The following SNTG1 variants were observed in gnomAD, a reference collection of about 807,000 sequenced individuals.
SNTG1 encodes the protein syntrophin gamma 1.
In SNTG1, 39 loss-of-function variants were observed where a neutral mutation model predicts 74.7. That is an observed-to-expected ratio of 0.52 (90% CI 0.40 to 0.68). The LOEUF (loss-of-function observed/expected upper bound fraction) is 0.68. Ranked by LOEUF, SNTG1 falls within the 30% of genes least tolerant of loss-of-function variation. The pLI, the probability that SNTG1 is intolerant of heterozygous loss-of-function variation, is 0.00. For synonymous variants in SNTG1, 254 were observed against 217.1 expected (o/e 1.17, Z -1.49); for missense variants, 685 against 609.5 (o/e 1.12, Z -1.30).
At chr8:49,921,889 C>T (rs1179512136) in intron 1 of SNTG1, among the ~76,000 whole-genome samples, 1 of 152,130 alleles carries the variant, frequency 6.6e-6, no homozygotes, top group Non-Finnish European at 1.5e-5. Flanking sequence ...TGACTGAGTT[C>T]TCCACTTGGA....
intron 2 of SNTG1, among the ~76,000 whole-genome samples, chr8:50,205,221 T>C (rs1315586553): frequency 6.6e-6 from 1 of 152,166 alleles, no homozygotes; most frequent in East Asian, 1.9e-4. Context: ...CCACATCCTC[T>C]CCAGCACCTG....
At chr8:50,041,391 T>G (rs548281341) in intron 1 of SNTG1, among the ~76,000 whole-genome samples, 1 of 152,230 alleles carries the variant, frequency 6.6e-6, no homozygotes, top group Admixed American at 6.5e-5. Context: ...ATAAATTAAC[T>G]AAAATAACAC....
At chr8:50,016,245 C>T (rs1563476271) in intron 1 of SNTG1, among the ~76,000 whole-genome samples, 1 of 152,084 alleles carries the variant, frequency 6.6e-6, no homozygotes. Flanking sequence ...CACTTTTCAT[C>T]ACATGTCACA....
chr8:50,686,979 C>CA (rs949245930), intron 15 of SNTG1, among the ~76,000 whole-genome samples: 14 of 150,236 alleles, frequency 9.3e-5, no homozygotes, highest in Non-Finnish European at 5.9e-5. Flanking sequence ...ACTAAAAATA[C>CA]AAAAAATTAG....
intron 13 of SNTG1, among the ~76,000 whole-genome samples, chr8:50,618,891 A>ATGTGTGTGTGTGTG (rs34924863): frequency 4.7e-5 from 7 of 148,344 alleles, no homozygotes; most frequent in African/African-American, 1.7e-4. Context: ...ATATGTGTAT[A>ATGTGTGTGTGTGTG]TGTGTGTGTG....
intron 18 of SNTG1, among the ~76,000 whole-genome samples, chr8:50,786,989 G>T (rs1040648630): frequency 1.1e-4 from 17 of 151,806 alleles, no homozygotes; most frequent in African/African-American, 3.9e-4. Context: ...TAGACAAATT[G>T]GACTTTTTCA....
chr8:50,449,777 T>G, intron 6 of SNTG1, 52 bp downstream of exon 6: 1 of 1,433,830 alleles, frequency 7.0e-7, no homozygotes, highest in Non-Finnish European at 9.4e-7. Context: ...GCATTGTTTT[T>G]GAAGTGTGAG....
At chr8:50,329,226 C>G (rs921105288) in intron 2 of SNTG1, among the ~76,000 whole-genome samples, 5 of 152,176 alleles carry the variant, frequency 3.3e-5, no homozygotes, top group African/African-American at 9.7e-5. Context: ...TCCAGGTACA[C>G]AGTGCAAGCT....
At chr8:49,947,297 T>C (rs756886029) in intron 1 of SNTG1, among the ~76,000 whole-genome samples, 13 of 151,700 alleles carry the variant, frequency 8.6e-5, no homozygotes, top group Admixed American at 1.3e-4. Context: ...CAAAACTCCG[T>C]CTCAAAAAAA....
intron 12 of SNTG1, among the ~76,000 whole-genome samples, chr8:50,565,314 G>T (rs1279211392): frequency 6.6e-6 from 1 of 152,026 alleles, no homozygotes; most frequent in East Asian, 1.9e-4. Context: ...AATCTGAAAA[G>T]AGTATGGACT....
At chr8:50,278,584 T>C (rs2088248940) in intron 2 of SNTG1, among the ~76,000 whole-genome samples, 1 of 152,182 alleles carries the variant, frequency 6.6e-6, no homozygotes, top group African/African-American at 2.4e-5. Flanking sequence ...ATTTATCAAA[T>C]TTAGTGACCC....
intron 11 of SNTG1, among the ~76,000 whole-genome samples, chr8:50,547,927 G>T (rs186977684): frequency 5.1e-4 from 77 of 152,276 alleles, no homozygotes; most frequent in Middle Eastern, 3.4e-3. Flanking sequence ...AAAGGACAGA[G>T]AAATTATGGA....
Position 50,364,894 on chromosome 8 carries a change from A to C in SNTG1, c.-27-29318A>C, listed in dbSNP as rs530978739. 4.1e-3 allele frequency among the ~76,000 whole-genome samples: 630 copies of C among 152,170 alleles called. 1 individual carries two copies. Among genetic ancestry groups the C allele is most frequent in the Middle Eastern group, 0.032 (9 of 284 alleles). ...TGTGTTTTGGAAAAAGCTGAGTTTA[A>C]AATAATATAATTTTATTTTTTCAAA... On this transcript the variant is annotated intron_variant, in intron 2 of 18. Coordinates refer to ENST00000642720, the MANE Select transcript of SNTG1 (RefSeq NM_018967.5).
intron 8 of SNTG1, among the ~76,000 whole-genome samples, chr8:50,485,952 C>G (rs1315711939): frequency 1.3e-3 from 194 of 150,942 alleles, no homozygotes; most frequent in East Asian, 1.4e-3. Context: ...GCTTGTTTTT[C>G]TCAGGTTTGT....
At chr8:50,086,424 C>T (rs187307809) in intron 1 of SNTG1, among the ~76,000 whole-genome samples, 3 of 152,090 alleles carry the variant, frequency 2.0e-5, no homozygotes, top group Admixed American at 2.0e-4. Context: ...GGCACAAGGC[C>T]ACAGAAGGGA....
At position 50,795,811 on chromosome 8, in the gene SNTG1, T is replaced by C. The variant is rs1802785000; in HGVS notation, c.*2982T>C. 6.6e-6 allele frequency: 1 copy of C among 152,096 alleles called. No individual in the cohort carries two copies. Among genetic ancestry groups the C allele is most frequent in the African/African-American group, 2.4e-5 (1 of 41,452 alleles). 9.4% of individuals were successfully genotyped at this position (152,096 alleles called of 1,614,324 possible). A position where few individuals can be genotyped will look rare whatever the true frequency, so the allele number is the denominator to read the frequency against. The stretch of plus-strand genomic sequence containing the variant: ...TTTGTTAAAATGCAACAAGTATTTA[T>C]TTAAAAAATAGTTTAATAGATAGTG... On this transcript the variant is annotated 3_prime_UTR_variant, in exon 19 of 19. Transcript: ENST00000642720.
chr8:50,756,399 G>A (rs1410855476), intron 18 of SNTG1, among the ~76,000 whole-genome samples: 2 of 151,766 alleles, frequency 1.3e-5, no homozygotes, highest in African/African-American at 2.4e-5. Context: ...TTTATAATTG[G>A]AGCTGTGTTC....
intron 12 of SNTG1, among the ~76,000 whole-genome samples, chr8:50,555,978 C>G (rs957992782): frequency 2.0e-5 from 3 of 152,034 alleles, no homozygotes; most frequent in African/African-American, 7.2e-5. Flanking sequence ...TCTCTTTGCT[C>G]ACTAGTTTCT....
At chr8:50,527,109 A>G (rs996280354) in intron 9 of SNTG1, among the ~76,000 whole-genome samples, 3 of 152,090 alleles carry the variant, frequency 2.0e-5, no homozygotes, top group Admixed American at 6.5e-5. Flanking sequence ...AATTATCTCC[A>G]TATTGTGTGA....
Sources: gnomAD v4.1 joint callset for allele counts (sites outside exome capture counted in the v4.1 genomes callset) on GRCh38, gnomAD v4.1.1 for gene constraint, MANE v1.5 for transcripts, NCBI Gene and HGNC (gene_info 2026-07-23, HGNC 2026-07-21) for gene names.